RHOBTB2: variants seen among roughly 807,000 people sequenced by gnomAD.
RHOBTB2 encodes Rho related BTB domain containing 2, also known as rho-related BTB domain-containing protein 2.
RHOBTB2 carries 39 observed loss-of-function variants against 66.5 expected under a neutral mutation model. The observed-to-expected ratio is 0.59, with a 90% CI of 0.45 to 0.77. The LOEUF is 0.77. Ranked by LOEUF, RHOBTB2 falls within the 30% of genes least tolerant of loss-of-function variation. RHOBTB2 has a pLI of 0.00. For synonymous variants in RHOBTB2, 390 were observed against 395.0 expected, an observed-to-expected ratio of 0.99 and a Z score of 0.15; for missense variants, 755 against 999.1, an observed-to-expected ratio of 0.76 and a Z score of 3.29.
intron 9 of RHOBTB2, among the ~76,000 whole-genome samples, chr8:23,016,626 G>C (rs1280151190): frequency 6.6e-6 from 1 of 152,064 alleles, no homozygotes; most frequent in Non-Finnish European, 1.5e-5. Context: ...TGCCCAGGCT[G>C]GTCTCAAACT....
the RHOBTB2 span, among the ~76,000 whole-genome samples, chr8:22,976,671 G>A: frequency 2.6e-5 from 4 of 152,216 alleles, no homozygotes; most frequent in African/African-American, 4.8e-5. Flanking sequence ...TGTCACCCAG[G>A]CTGGACTGCA....
chr8:23,016,627 G>T (rs952267420), intron 9 of RHOBTB2, among the ~76,000 whole-genome samples: 2 of 152,050 alleles, frequency 1.3e-5, no homozygotes, highest in Non-Finnish European at 2.9e-5. Context: ...GCCCAGGCTG[G>T]TCTCAAACTC....
Position 23,014,724 on chromosome 8 carries a change from C to G in RHOBTB2, c.1806C>G (p.Thr602=). The G allele has an allele frequency of 6.2e-7, 1 of 1,614,048 alleles. No homozygotes were observed. The highest frequency in any genetic ancestry group is 8.5e-7 in the Non-Finnish European group (1 of 1,179,972). The change falls in exon 8 of 10, where the codon ACC becomes ACG. Residue 602 remains threonine (T), a synonymous_variant. Transcript: ENST00000251822. ...QYTVTGLMEA[T]QMMVDIDGDV... ...CAGTGACCGGGCTGATGGAAGCGAC[C>G]CAGATGATGGTGGACATCGATGGGG...
the RHOBTB2 span, among the ~76,000 whole-genome samples, chr8:22,961,928 G>T: frequency 6.6e-6 from 1 of 152,020 alleles, no homozygotes; most frequent in East Asian, 1.9e-4. Flanking sequence ...TGAATAAATT[G>T]CATAATACTA....
chr8:22,960,797 T>A, the RHOBTB2 span, among the ~76,000 whole-genome samples: 1 of 152,160 alleles, frequency 6.6e-6, no homozygotes, highest in Non-Finnish European at 1.5e-5. Context: ...ACGATAAAAT[T>A]TCTGGGACTC....
the RHOBTB2 span, among the ~76,000 whole-genome samples, chr8:22,956,303 C>A: frequency 5.0e-3 from 764 of 152,290 alleles, 6 homozygotes; most frequent in African/African-American, 0.017. Flanking sequence ...CCACCCAAAT[C>A]TCATGTTGAA....
chr8:22,994,679 A>G, upstream of RHOBTB2: 2 of 1,492,778 alleles, frequency 1.3e-6, no homozygotes, highest in East Asian at 2.5e-5. Context: ...CTTCCCAAAC[A>G]TTGATTCATC....
chr8:23,007,201 A>G lies in RHOBTB2; in HGVS notation c.956A>G (p.His319Arg). The G allele has an allele frequency of 1.9e-6, 3 of 1,605,456 alleles. No homozygotes were observed. Among genetic ancestry groups the G allele is most frequent in the African/African-American group, 1.3e-5 (1 of 74,996 alleles). ...SEPGGTHPED[H>R]QGHSDQHHHH... ...CCAGGGGGCACCCACCCAGAGGACCACCAGGGCCACTCTGATCAACACCAC... is the reference window on the plus strand; with the variant it reads ...CCAGGGGGCACCCACCCAGAGGACCGCCAGGGCCACTCTGATCAACACCAC... Residue 319 changes from histidine to arginine, a missense_variant, in exon 5 of 10, where the codon CAC becomes CGC. Coordinates refer to ENST00000251822, the MANE Select transcript of RHOBTB2 (RefSeq NM_015178.3).
the RHOBTB2 span, among the ~76,000 whole-genome samples, chr8:22,971,030 G>A: frequency 6.6e-6 from 1 of 152,048 alleles, no homozygotes; most frequent in Non-Finnish European, 1.5e-5. Context: ...TAGAAGTTAC[G>A]AGACAAAAAC....
rs540855230 is a variant in RHOBTB2 at position 23,010,515 on chromosome 8, C to T, written c.1621-23C>T. ...CTCCTAAGCAGGATCTCATTGCTGT[C>T]CGCTCACTCCTTCCCTCCCCAGGTG... is the stretch of plus-strand genomic sequence containing the variant. On this transcript the variant is annotated intron_variant, in intron 6 of 9. Transcript: ENST00000251822. 7.2e-5 allele frequency: 116 copies of T among 1,604,814 alleles called. 2 individuals are homozygous for T. Among genetic ancestry groups the T allele is most frequent in the Non-Finnish European group, 3.4e-6 (4 of 1,173,806 alleles).
chr8:22,970,779 C>T, the RHOBTB2 span, among the ~76,000 whole-genome samples: 2 of 151,966 alleles, frequency 1.3e-5, no homozygotes, highest in Admixed American at 1.3e-4. Context: ...TTTTAAAAAC[C>T]CATCAGTCTC....
the RHOBTB2 span, among the ~76,000 whole-genome samples, chr8:22,955,643 C>CATTG: frequency 6.9e-6 from 1 of 145,530 alleles, no homozygotes; most frequent in East Asian, 2.1e-4. Flanking sequence ...GATCATGGCT[C>CATTG]ATTGCACCCT....
chr8:22,988,521 C>T (rs1359315844), intron 1 of RHOBTB2, among the ~76,000 whole-genome samples: 1 of 152,140 alleles, frequency 6.6e-6, no homozygotes, highest in Non-Finnish European at 1.5e-5. Flanking sequence ...CATGGCTCCA[C>T]CCAACTCTGG....
At chr8:22,971,181 C>T in the RHOBTB2 span, among the ~76,000 whole-genome samples, 14 of 124,890 alleles carry the variant, frequency 1.1e-4, no homozygotes, top group Non-Finnish European at 1.8e-4. Context: ...TCCCTTTTTC[C>T]TTTTTCTGTA....
intron 1 of RHOBTB2, among the ~76,000 whole-genome samples, chr8:23,001,052 C>T (rs569983300): frequency 1.3e-5 from 2 of 152,226 alleles, no homozygotes; most frequent in African/African-American, 2.4e-5. Flanking sequence ...TTTCAGCACA[C>T]CTTGGGTTTT....
chr8:22,969,155 A>C, the RHOBTB2 span, among the ~76,000 whole-genome samples: 14 of 152,360 alleles, frequency 9.2e-5, no homozygotes, highest in East Asian at 2.7e-3. Context: ...GCAGCAGGCA[A>C]GAGAGAGAAT....
intron 8 of RHOBTB2, 53 bp downstream of exon 8, chr8:23,014,831 G>A: frequency 6.9e-7 from 1 of 1,445,820 alleles, no homozygotes; most frequent in East Asian, 2.3e-5. Flanking sequence ...CACTCTGCCT[G>A]CCCATTGGCT....
intron 7 of RHOBTB2, among the ~76,000 whole-genome samples, chr8:23,013,545 G>T (rs1489461026): frequency 6.6e-6 from 1 of 151,904 alleles, no homozygotes; most frequent in Non-Finnish European, 1.5e-5. Flanking sequence ...ACCTGGGCTG[G>T]AGTATAGTGA....
chr8:23,004,683 C>A lies in RHOBTB2; in HGVS notation c.192+57C>A. 1 of 1,502,008 alleles carries A rather than the reference C, an allele frequency of 6.7e-7. No individual in the cohort carries two copies. The highest frequency in any genetic ancestry group is 9.0e-7 in the Non-Finnish European group (1 of 1,105,248). 93.0% of individuals were successfully genotyped at this position (1,502,008 alleles called of 1,614,324 possible). On this transcript the variant is annotated intron_variant, in intron 2 of 9. Coordinates refer to ENST00000251822, the MANE Select transcript of RHOBTB2 (RefSeq NM_015178.3). This position sits in a 1 kb window ranked among gnomAD's most constrained non-coding sequence, Gnocchi z 6.4. The stretch of plus-strand genomic sequence containing the variant: ...CACGCCATGAGTCTGGGCTTGGGGG[C>A]TTCCTGAGGCATAGCTTGGTGTCTC...
Sources: allele counts gnomAD v4.1 joint callset (sites outside exome capture counted in the v4.1 genomes callset), GRCh38; gene constraint gnomAD v4.1.1; non-coding constraint Gnocchi (gnomAD v3.1); transcripts MANE v1.5; gene names NCBI Gene and HGNC (gene_info 2026-07-23, HGNC 2026-07-21).